Variants in SMAD4 observed in about 807,000 individuals in gnomAD.
SMAD4 encodes the protein MAD homolog 4.
SMAD4 carries 7 observed loss-of-function variants against 63.2 expected under a neutral mutation model. The observed-to-expected ratio is 0.11, with a 90% CI of 0.06 to 0.21. The LOEUF is 0.21. Ranked by LOEUF, SMAD4 falls within the 10% of genes least tolerant of loss-of-function variation. The pLI is 1.00. For missense variants in SMAD4, 312 were observed against 693.8 expected, an observed-to-expected ratio of 0.45 and a Z score of 6.18; for synonymous variants, 215 against 235.4, an observed-to-expected ratio of 0.91 and a Z score of 0.79.
At chr18:51,038,593 C>T (rs1909280240) in intron 1 of SMAD4, among the ~76,000 whole-genome samples, 1 of 152,142 alleles carries the variant, frequency 6.6e-6, no homozygotes, top group African/African-American at 2.4e-5. Flanking sequence ...GTACTTTAAA[C>T]AAAACAACAT....
At chr18:51,051,476 A>G (rs1909711069) in intron 4 of SMAD4, 1 of 444,958 alleles carries the variant, frequency 2.2e-6, no homozygotes, top group Non-Finnish European at 4.5e-6. Context: ...TCTTGTGGTA[A>G]TCATTTCCAG....
intron 10 of SMAD4, among the ~76,000 whole-genome samples, chr18:51,070,759 C>G (rs1464013804): frequency 6.6e-6 from 1 of 152,114 alleles, no homozygotes. Context: ...GTCTACATTA[C>G]CCACCCATTA....
At position 51,080,373 on chromosome 18, in the gene SMAD4, T is replaced by G. The variant is rs991347779; in HGVS notation, c.*1906T>G. On this transcript the variant is annotated 3_prime_UTR_variant, in exon 12 of 12. Transcript: ENST00000342988. ...CACCTAATTTTCTTCTGTAAAAGTT[T>G]GGTGATTTAAGTTTTATTGGCAGTT... 2 of 231,752 alleles carry G rather than the reference T, an allele frequency of 8.6e-6. No homozygotes were observed. The allele number at this position is 231,752 out of a possible 1,614,324, so 14.4% of individuals were successfully genotyped here.
At chr18:51,037,173 G>A (rs952667032) in intron 1 of SMAD4, among the ~76,000 whole-genome samples, 1 of 152,108 alleles carries the variant, frequency 6.6e-6, no homozygotes, top group Non-Finnish European at 1.5e-5. Flanking sequence ...GACAGAGCGA[G>A]ACTGTCTCAA....
At chr18:51,050,391 G>A (rs1909674374) in intron 4 of SMAD4, among the ~76,000 whole-genome samples, 2 of 151,580 alleles carry the variant, frequency 1.3e-5, no homozygotes, top group South Asian at 4.2e-4. Context: ...TGGGCACGGT[G>A]GCTCACTCCT....
chr18:51,067,264 G>T, intron 10 of SMAD4, 77 bp downstream of exon 10: 1 of 801,438 alleles, frequency 1.2e-6, no homozygotes, highest in East Asian at 2.6e-5. Flanking sequence ...CTGGGTGGAA[G>T]GAATGGAAAA....
chr18:51,079,050 G>T lies in SMAD4; in HGVS notation c.*583G>T, dbSNP rs142236156. On this transcript the variant is annotated 3_prime_UTR_variant, in exon 12 of 12. Coordinates refer to ENST00000342988, the MANE Select transcript of SMAD4 (RefSeq NM_005359.6). ...TTTGCAAGTTATATTAGTGAAGATG[G>T]TTTCAATTCAGATTGTCTTGCAACT... 1.8e-4 allele frequency: 42 copies of T among 233,284 alleles called. No homozygotes were observed. The highest frequency in any genetic ancestry group is 9.0e-4 in the African/African-American group (41 of 45,446). 14.5% of individuals were successfully genotyped at this position (233,284 alleles called of 1,614,324 possible). A position where few individuals can be genotyped will look rare whatever the true frequency, so the allele number is the denominator to read the frequency against.
In SMAD4 at chr18:51,083,895, T is replaced by C. The variant is rs1165404955; in HGVS notation, c.*5428T>C. On this transcript the variant is annotated 3_prime_UTR_variant, in exon 12 of 12. Transcript: ENST00000342988. ...GAGACTAGGCTTGATATTTTATTAC[T>C]GTTCTTTTATGGACAAAAGGTTACA... 2 of 231,444 alleles carry C rather than the reference T, an allele frequency of 8.6e-6. No homozygotes were observed. Among genetic ancestry groups the C allele is most frequent in the South Asian group, 1.8e-4 (1 of 5,514 alleles). 14.3% of individuals were successfully genotyped at this position (231,444 alleles called of 1,614,324 possible). A position where few individuals can be genotyped will look rare whatever the true frequency, so the allele number is the denominator to read the frequency against.
At chr18:51,056,146 C>T (rs1169443822) in intron 5 of SMAD4, among the ~76,000 whole-genome samples, 1 of 151,950 alleles carries the variant, frequency 6.6e-6, no homozygotes, top group East Asian at 1.9e-4. Context: ...TTTTTATTTA[C>T]CAAATTAGGA....
At position 51,059,932 on chromosome 18, in the gene SMAD4, A is replaced by G. The variant is rs2144433771; in HGVS notation, c.955+16A>G. 2 of 1,596,498 alleles carry G rather than the reference A, an allele frequency of 1.3e-6. No individual in the cohort carries two copies. The highest frequency in any genetic ancestry group is 1.7e-6 in the Non-Finnish European group (2 of 1,164,940). On this transcript the variant is annotated intron_variant, in intron 8 of 11. Coordinates refer to ENST00000342988, the MANE Select transcript of SMAD4 (RefSeq NM_005359.6). ...AATCATCCTGGTAAGTGTATTTCAA[A>G]ATTGATTTCCTGTATTTAGATTGAT...
intron 1 of SMAD4, chr18:51,044,856 A>C (rs1178569079): frequency 6.6e-6 from 1 of 152,166 alleles, no homozygotes; most frequent in East Asian, 1.9e-4. Context: ...ATTCTAATTC[A>C]AATCTCTTGA....
intron 1 of SMAD4, among the ~76,000 whole-genome samples, chr18:51,039,027 A>T (rs894922736): frequency 6.6e-6 from 1 of 152,144 alleles, no homozygotes; most frequent in African/African-American, 2.4e-5. Context: ...GAATCACTTG[A>T]ACCTGGGAGG....
chr18:51,079,410 G>A lies in SMAD4; in HGVS notation c.*943G>A, dbSNP rs892515562. 4.3e-6 allele frequency: 1 copy of A among 233,282 alleles called. No individual in the cohort carries two copies. Among genetic ancestry groups the A allele is most frequent in the Non-Finnish European group, 8.5e-6 (1 of 117,948 alleles). 14.5% of individuals were successfully genotyped at this position (233,282 alleles called of 1,614,324 possible). ...GCTTAAACTAAATAATGAATAAACT[G>A]AATATTTTGGAAACTGCTAAATTCT... On this transcript the variant is annotated 3_prime_UTR_variant, in exon 12 of 12. Coordinates refer to ENST00000342988, the MANE Select transcript of SMAD4 (RefSeq NM_005359.6).
In SMAD4 at chr18:51,049,322, A is replaced by G; in HGVS notation, c.452A>G (p.Asn151Ser). Residue 151 changes from asparagine to serine, a missense_variant and splice_region_variant, in exon 4 of 12, where the codon AAT becomes AGT. By Grantham distance (46) the Asn-to-Ser change is conservative (BLOSUM62 1). This residue lies in a region of SMAD4 where 169 missense variants were observed against 211.0 expected (regional missense o/e 0.80). Coordinates refer to ENST00000342988, the MANE Select transcript of SMAD4 (RefSeq NM_005359.6). ...CTCTCAGGATTAACACTGCAGAGTA[A>G]TGGTAGGTAATCTGTTTCTTACTAC... ...IDLSGLTLQS[N>S]APSSMMVKDE... 6.3e-7 allele frequency: 1 copy of G among 1,597,262 alleles called. No homozygotes were observed. Among genetic ancestry groups the G allele is most frequent in the Non-Finnish European group, 8.6e-7 (1 of 1,164,938 alleles).
At chr18:51,053,462 TTG>T (rs1285750862) in intron 4 of SMAD4, 1 of 152,210 alleles carries the variant, frequency 6.6e-6, no homozygotes, top group Non-Finnish European at 1.5e-5. Flanking sequence ...GTTTTTTTTA[TTG>T]ATACATAATT....
Position 51,048,725 on chromosome 18 carries a change from C to T in SMAD4, c.289C>T (p.Arg97Cys), listed in dbSNP as rs1555685158. The change falls in exon 3 of 12, where the codon CGT becomes TGT. Residue 97 changes from arginine (R) to cysteine (C), a missense_variant. Coordinates refer to ENST00000342988, the MANE Select transcript of SMAD4 (RefSeq NM_005359.6). Reference sequence around the variant, plus strand: ...AGGATTTCCTCATGTGATCTATGCCCGTCTCTGGAGGTGGCCTGATCTTCA... The same window carrying T: ...AGGATTTCCTCATGTGATCTATGCCTGTCTCTGGAGGTGGCCTGATCTTCA... ...RKGFPHVIYA[R>C]LWRWPDLHKN... The T allele has an allele frequency of 6.2e-7, 1 of 1,613,950 alleles. No homozygotes were observed. The highest frequency in any genetic ancestry group is 8.5e-7 in the Non-Finnish European group (1 of 1,179,962).
At chr18:51,072,271 T>C (rs1910337666) in intron 10 of SMAD4, among the ~76,000 whole-genome samples, 1 of 152,232 alleles carries the variant, frequency 6.6e-6, no homozygotes, top group Non-Finnish European at 1.5e-5. Context: ...TCTGTCTTTT[T>C]TATTTTAGCC....
chr18:51,069,133 T>C (rs1910248790), intron 10 of SMAD4, among the ~76,000 whole-genome samples: 1 of 152,190 alleles, frequency 6.6e-6, no homozygotes. Flanking sequence ...ATTATTATTT[T>C]TGAGACAGAG....
At chr18:51,040,614 G>A (rs754622317) in intron 1 of SMAD4, among the ~76,000 whole-genome samples, 1 of 152,152 alleles carries the variant, frequency 6.6e-6, no homozygotes, top group African/African-American at 2.4e-5. Context: ...ATTTACATGA[G>A]AACCTCTCTC....
Sources: gnomAD v4.1 joint callset for allele counts (sites outside exome capture counted in the v4.1 genomes callset) on GRCh38, gnomAD v4.1.1 for gene constraint, gnomAD v4.1.1 regional missense constraint, MANE v1.5 for transcripts, NCBI Gene and HGNC (gene_info 2026-07-23, HGNC 2026-07-21) for gene names.